SLC25A12: variants seen among roughly 807,000 people sequenced by gnomAD.
SLC25A12 encodes the protein solute carrier family 25 member 12, also known as electrogenic aspartate/glutamate antiporter SLC25A12, mitochondrial.
SLC25A12 carries 32 observed loss-of-function variants against 83.3 expected under a neutral mutation model. The ratio of observed to expected loss-of-function variants is 0.38; its 90% CI spans 0.29 to 0.52. SLC25A12 has a LOEUF of 0.52. Ranked by LOEUF, SLC25A12 falls within the 20% of genes least tolerant of loss-of-function variation. The pLI is 0.84. For missense variants in SLC25A12, 611 were observed against 835.6 expected (o/e 0.73, Z 3.31); for synonymous variants, 267 against 291.1 (o/e 0.92, Z 0.84).
Position 171,791,479 on chromosome 2 carries a change from T to A in SLC25A12, c.1557A>T (p.Leu519Phe), listed in dbSNP as rs372205183. 3 of 1,613,992 alleles carry A rather than the reference T, an allele frequency of 1.9e-6. No individual in the cohort carries two copies. In the African/African-American group the frequency reaches 4.0e-5, roughly 22 times the overall value. The change falls in exon 15 of 18, where the codon TTA (leucine) becomes TTT (phenylalanine). Residue 519 changes from leucine to phenylalanine, a missense_variant. By Grantham distance (22) the Leu-to-Phe change is conservative (BLOSUM62 0). Around this residue, in one of 3 missense-constraint regions of SLC25A12, gnomAD observed 540 missense variants for 777.5 expected, o/e 0.69. Coordinates refer to ENST00000422440, the MANE Select transcript of SLC25A12 (RefSeq NM_003705.5). ...LADENGHVGGLNLLAAGAMAG... is the reference protein window; with the variant it reads ...LADENGHVGGFNLLAAGAMAG... ...CCATGGCTCCAGCTGCAAGAAGATTTAAACCTCCCACGTGTCCATTTTCAT... is the reference window on the plus strand; with the variant it reads ...CCATGGCTCCAGCTGCAAGAAGATTAAAACCTCCCACGTGTCCATTTTCAT...
chr2:171,798,303 A>G (rs1683640226), intron 13 of SLC25A12, among the ~76,000 whole-genome samples: 1 of 152,176 alleles, frequency 6.6e-6, no homozygotes, highest in Admixed American at 6.5e-5. Context: ...TGTATACAGG[A>G]TTAGGCCTAT....
At chr2:171,880,936 G>C (rs1166484413) in intron 2 of SLC25A12, among the ~76,000 whole-genome samples, 2 of 152,110 alleles carry the variant, frequency 1.3e-5, no homozygotes, top group Non-Finnish European at 2.9e-5. Context: ...GTATATCCTT[G>C]AACAAGCTAC....
rs185284070 is a variant in SLC25A12 at position 171,808,312 on chromosome 2, C to A, written c.1305+1294G>T. On this transcript the variant is annotated intron_variant, in intron 13 of 17. Transcript: ENST00000422440. ...ATGTAGTTACCGTTATTATTGTTTG[C>A]CAATAATCATGTCATGCTTACACTT... Among the ~76,000 whole-genome samples the A allele has an allele frequency of 4.4e-5, 6 of 135,674 alleles. 2 individuals carry two copies. The Admixed American group carries it at 4.4e-4, about 10-fold the overall frequency. The allele number at this position is 135,674 out of a possible 152,430, so 89.0% of individuals were successfully genotyped here.
intron 3 of SLC25A12, among the ~76,000 whole-genome samples, chr2:171,857,062 A>C (rs1336790712): frequency 6.6e-6 from 1 of 152,230 alleles, no homozygotes; most frequent in Non-Finnish European, 1.5e-5. Context: ...TACATGTTTG[A>C]AACATCACTA....
intron 4 of SLC25A12, among the ~76,000 whole-genome samples, chr2:171,850,337 GTTTTTTTTTTTT>G (rs55922545): frequency 1.2e-4 from 7 of 56,164 alleles, no homozygotes; most frequent in African/African-American, 4.2e-4. Context: ...GCTGGTCTTT[GTTTTTTTTTTTT>G]TTTTTTTTTT....
chr2:171,863,975 G>C (rs1483861463), intron 3 of SLC25A12, among the ~76,000 whole-genome samples: 1 of 152,238 alleles, frequency 6.6e-6, no homozygotes, highest in East Asian at 1.9e-4. Flanking sequence ...TGAACACATA[G>C]TAAATTTCAC....
At chr2:171,827,546 A>G (rs542876601) in intron 8 of SLC25A12, among the ~76,000 whole-genome samples, 18 of 152,284 alleles carry the variant, frequency 1.2e-4, no homozygotes, top group South Asian at 4.1e-4. Flanking sequence ...TTGTGGGCCA[A>G]GTCTTCATTT....
chr2:171,852,606 T>A (rs1684956036), intron 4 of SLC25A12: 1 of 441,898 alleles, frequency 2.3e-6, no homozygotes, highest in South Asian at 1.6e-5. Flanking sequence ...TACCTAAACA[T>A]GTGCCTATAA....
rs1200084715 is a variant in SLC25A12, at chr2:171,824,811, CT to C, written c.930+1986del. ...CCTCCTAATGGAAATAAACTTTTTT[CT>C]TTTTTTTTTTAAGACAGAGTCTCAC... On this transcript the variant is annotated intron_variant, in intron 9 of 17. Coordinates refer to ENST00000422440, the MANE Select transcript of SLC25A12 (RefSeq NM_003705.5). Among the ~76,000 whole-genome samples, 740 of 145,144 alleles carry C rather than the reference CT, an allele frequency of 5.1e-3. 9 individuals are homozygous for C. The highest frequency in any genetic ancestry group is 0.016 in the African/African-American group (622 of 39,864).
At chr2:171,791,184 T>A (rs1683445901) in intron 15 of SLC25A12, among the ~76,000 whole-genome samples, 1 of 152,160 alleles carries the variant, frequency 6.6e-6, no homozygotes, top group Admixed American at 6.6e-5. Context: ...CTAAGAAACA[T>A]GTTAATGATG....
At chr2:171,870,367 A>T (rs1393676824) in intron 2 of SLC25A12, among the ~76,000 whole-genome samples, 1 of 152,238 alleles carries the variant, frequency 6.6e-6, no homozygotes, top group Non-Finnish European at 1.5e-5. Flanking sequence ...TCACACCTGT[A>T]ATTCCAGCAC....
chr2:171,871,533 G>A (rs934715404), intron 2 of SLC25A12, among the ~76,000 whole-genome samples: 2 of 152,074 alleles, frequency 1.3e-5, no homozygotes, highest in Admixed American at 6.5e-5. Context: ...GTTAGGCCAG[G>A]ATGGTCTTGA....
intron 13 of SLC25A12, among the ~76,000 whole-genome samples, chr2:171,800,610 A>AT: frequency 6.6e-6 from 1 of 152,346 alleles, no homozygotes; most frequent in East Asian, 1.9e-4. Flanking sequence ...ACTCTATTCT[A>AT]TTCTTAGATA....
intron 4 of SLC25A12, among the ~76,000 whole-genome samples, chr2:171,853,819 G>C (rs1684989209): frequency 6.6e-6 from 1 of 152,208 alleles, no homozygotes; most frequent in Non-Finnish European, 1.5e-5. Flanking sequence ...TTGTTAAGTT[G>C]GTCTTGACAG....
intron 3 of SLC25A12, among the ~76,000 whole-genome samples, chr2:171,857,710 T>C (rs984948025): frequency 2.7e-5 from 4 of 149,994 alleles, no homozygotes; most frequent in Non-Finnish European, 5.9e-5. Context: ...TAAATAAAAA[T>C]GTTAAAAGGA....
chr2:171,798,335 C>T (rs184027179), intron 13 of SLC25A12, among the ~76,000 whole-genome samples: 26 of 152,292 alleles, frequency 1.7e-4, no homozygotes, highest in Admixed American at 5.2e-4. Context: ...CCCTCTCAAT[C>T]CTACCCCTGG....
chr2:171,848,908 G>A (rs1370436477), intron 4 of SLC25A12, among the ~76,000 whole-genome samples: 2 of 152,202 alleles, frequency 1.3e-5, no homozygotes, highest in African/African-American at 2.4e-5. Flanking sequence ...AAAGACTATC[G>A]GTTGGGCGTG....
intron 3 of SLC25A12, among the ~76,000 whole-genome samples, chr2:171,858,300 T>C (rs1216067455): frequency 6.6e-6 from 1 of 152,216 alleles, no homozygotes; most frequent in East Asian, 1.9e-4. Flanking sequence ...TTCTATAGTG[T>C]ATTTTTCATG....
chr2:171,855,134 A>G (rs1404623737), intron 4 of SLC25A12, among the ~76,000 whole-genome samples: 1 of 152,212 alleles, frequency 6.6e-6, no homozygotes, highest in Non-Finnish European at 1.5e-5. Context: ...TATTGAAAAA[A>G]TTGTTGCAAG....
Sources: gnomAD v4.1 joint callset for allele counts (sites outside exome capture counted in the v4.1 genomes callset) on GRCh38, gnomAD v4.1.1 for gene constraint, gnomAD v4.1.1 regional missense constraint, MANE v1.5 for transcripts, NCBI Gene and HGNC (gene_info 2026-07-23, HGNC 2026-07-21) for gene names.